Variants in DPYD observed in about 807,000 individuals in gnomAD.
The protein encoded by DPYD is dihydropyrimidine dehydrogenase [NADP(+)].
In DPYD, 109 loss-of-function variants were observed where a neutral mutation model predicts 116.2. That is an observed-to-expected ratio of 0.94 (90% CI 0.80 to 1.10). DPYD has a LOEUF of 1.10. DPYD is among the 50% of genes least tolerant of loss of function. The pLI, the probability that DPYD is intolerant of heterozygous loss-of-function variation, is 0.00. For synonymous variants in DPYD, 440 were observed against 432.0 expected, an observed-to-expected ratio of 1.02 and a Z score of -0.23; for missense variants, 1,302 against 1,254.5, an observed-to-expected ratio of 1.04 and a Z score of -0.57.
intron 5 of DPYD, among the ~76,000 whole-genome samples, chr1:97,712,339 C>A (rs776092560): frequency 9.9e-5 from 15 of 151,964 alleles, no homozygotes; most frequent in Non-Finnish European, 2.2e-4. Flanking sequence ...CTCTATCCAG[C>A]CCAAAACTGA....
At chr1:97,762,516 C>T (rs1428739748) in intron 3 of DPYD, among the ~76,000 whole-genome samples, 4 of 152,016 alleles carry the variant, frequency 2.6e-5, no homozygotes, top group African/African-American at 9.7e-5. Flanking sequence ...CCAATTATTT[C>T]CCCCTGCTTT....
chr1:97,639,754 A>G (rs1557854281), intron 8 of DPYD, among the ~76,000 whole-genome samples: 3 of 152,194 alleles, frequency 2.0e-5, no homozygotes, highest in African/African-American at 7.2e-5. Context: ...AGATTTTCAG[A>G]TAAAACATTG....
intron 8 of DPYD, among the ~76,000 whole-genome samples, chr1:97,617,550 C>T (rs190735778): frequency 2.3e-3 from 356 of 152,246 alleles, no homozygotes; most frequent in African/African-American, 8.4e-3. Flanking sequence ...AAAACACCAA[C>T]ATTGAGAGTA....
chr1:97,794,761 G>A (rs59161138), intron 3 of DPYD, among the ~76,000 whole-genome samples: 3,919 of 152,156 alleles, frequency 0.026, 167 homozygotes, highest in African/African-American at 0.086. Context: ...CACTTAAAAA[G>A]TGGGAAGCCA....
chr1:97,762,787 A>C, intron 3 of DPYD, among the ~76,000 whole-genome samples: 1 of 152,106 alleles, frequency 6.6e-6, no homozygotes, highest in East Asian at 1.9e-4. Context: ...TTTTCAAAGA[A>C]CTGTCAAATC....
At chr1:97,855,601 A>C (rs1316460419) in intron 2 of DPYD, 1 of 152,182 alleles carries the variant, frequency 6.6e-6, no homozygotes, top group Non-Finnish European at 1.5e-5. Context: ...AAAAAATCTA[A>C]ATGTTTAGAA....
chr1:97,662,028 T>C (rs1659293222), intron 8 of DPYD, among the ~76,000 whole-genome samples: 1 of 137,682 alleles, frequency 7.3e-6, no homozygotes, highest in Non-Finnish European at 1.5e-5. Flanking sequence ...GGAGTCTCGC[T>C]CCGTCGCCCA....
chr1:97,907,972 C>T (rs970961288), intron 1 of DPYD, among the ~76,000 whole-genome samples: 2 of 152,022 alleles, frequency 1.3e-5, no homozygotes, highest in Admixed American at 6.6e-5. Flanking sequence ...TTCTGGCAAT[C>T]CTTGTTATCC....
At chr1:97,721,058 A>T in intron 5 of DPYD, 1 of 1,311,774 alleles carries the variant, frequency 7.6e-7, no homozygotes, top group Non-Finnish European at 1.0e-6. Context: ...AAATAACATT[A>T]CTTAGTTTCA....
At chr1:97,602,171 A>G (rs1219988007) in intron 8 of DPYD, among the ~76,000 whole-genome samples, 2 of 152,032 alleles carry the variant, frequency 1.3e-5, no homozygotes, top group African/African-American at 4.8e-5. Flanking sequence ...AATCTGATAC[A>G]TGCTGAATTT....
chr1:97,446,884 A>T (rs560774580), intron 14 of DPYD, among the ~76,000 whole-genome samples: 1 of 152,252 alleles, frequency 6.6e-6, no homozygotes, highest in Non-Finnish European at 1.5e-5. Flanking sequence ...TAGGAACAAA[A>T]AGCTCTTAGT....
At chr1:97,475,013 G>A (rs1274580150) in intron 13 of DPYD, among the ~76,000 whole-genome samples, 2 of 151,944 alleles carry the variant, frequency 1.3e-5, no homozygotes, top group Non-Finnish European at 2.9e-5. Context: ...TGTAATAAAG[G>A]TTAATAATAT....
chr1:97,452,004 T>C (rs1025303258), intron 13 of DPYD, among the ~76,000 whole-genome samples: 7 of 152,150 alleles, frequency 4.6e-5, no homozygotes, highest in Non-Finnish European at 1.0e-4. Context: ...TGGTACTGTG[T>C]TGGTGAGCAA....
chr1:97,660,926 C>A (rs1659218943), intron 8 of DPYD, among the ~76,000 whole-genome samples: 1 of 152,112 alleles, frequency 6.6e-6, no homozygotes, highest in Non-Finnish European at 1.5e-5. Flanking sequence ...CTACTCACTT[C>A]TTTATCTTGC....
At chr1:97,484,270 T>C (rs972222355) in intron 13 of DPYD, among the ~76,000 whole-genome samples, 1 of 152,102 alleles carries the variant, frequency 6.6e-6, no homozygotes. Flanking sequence ...CACCACTGCA[T>C]TCCAGTCTGG....
chr1:97,326,742 A>G (rs1386004213), intron 16 of DPYD, among the ~76,000 whole-genome samples: 1 of 152,066 alleles, frequency 6.6e-6, no homozygotes, highest in African/African-American at 2.4e-5. Context: ...ATAAGATGGA[A>G]GGCAGATTGC....
At chr1:97,727,218 G>T (rs997910162) in intron 4 of DPYD, among the ~76,000 whole-genome samples, 2 of 151,656 alleles carry the variant, frequency 1.3e-5, no homozygotes, top group Admixed American at 6.6e-5. Context: ...AATGATTCTG[G>T]CTGTGACTTG....
At chr1:97,891,290 C>T (rs962065862) in intron 1 of DPYD, among the ~76,000 whole-genome samples, 4 of 151,856 alleles carry the variant, frequency 2.6e-5, no homozygotes, top group African/African-American at 7.2e-5. Flanking sequence ...TTAAGAAGCC[C>T]ATTAACCCTT....
At chr1:97,771,735 A>G (rs1043913350) in intron 3 of DPYD, among the ~76,000 whole-genome samples, 5 of 152,206 alleles carry the variant, frequency 3.3e-5, no homozygotes, top group Non-Finnish European at 7.4e-5. Flanking sequence ...TATGATAGAC[A>G]GTACGTTAGC....
Sources: gnomAD v4.1 joint callset for allele counts (sites outside exome capture counted in the v4.1 genomes callset) on GRCh38, gnomAD v4.1.1 for gene constraint, MANE v1.5 for transcripts, NCBI Gene and HGNC (gene_info 2026-07-23, HGNC 2026-07-21) for gene names.